The following CBLN2 variants were observed in gnomAD, a reference collection of about 807,000 sequenced individuals.
CBLN2 encodes cerebellin 2 precursor.
Under a neutral mutation model 15.0 loss-of-function variants are expected in CBLN2, and 7 were observed. The observed-to-expected ratio is 0.47, with a 90% confidence interval of 0.27 to 0.88. The LOEUF is 0.88. Among genes scored for constraint, CBLN2 ranks in the 40% least tolerant of loss-of-function variants. The pLI, the probability that CBLN2 is intolerant of heterozygous loss-of-function variation, is 0.14. For missense variants in CBLN2, 242 were observed against 304.5 expected, an observed-to-expected ratio of 0.79 and a Z score of 1.53; for synonymous variants, 149 against 135.2, an observed-to-expected ratio of 1.10 and a Z score of -0.71.
chr18:72,584,335 C>T (rs1184199291), intron 1 of CBLN2, among the ~76,000 whole-genome samples: 5 of 150,624 alleles, frequency 3.3e-5, no homozygotes, highest in African/African-American at 9.8e-5. Flanking sequence ...TCCCCTGAGA[C>T]GAAGTCTTGC....
chr18:72,550,822 A>G (rs973654331), intron 1 of CBLN2, among the ~76,000 whole-genome samples: 3 of 152,128 alleles, frequency 2.0e-5, no homozygotes, highest in African/African-American at 7.2e-5. Flanking sequence ...TGTTCTGCAC[A>G]GAATAGCTTT....
At chr18:72,538,916 C>T in intron 3 of CBLN2, 144 bp from the exon 4 acceptor site, 1 of 1,024,124 alleles carries the variant, frequency 9.8e-7, no homozygotes, top group Non-Finnish European at 1.4e-6. Flanking sequence ...CTGGCTTCCC[C>T]AGGAAGGAGG....
At chr18:72,582,989 G>T (rs1216959882) in intron 1 of CBLN2, among the ~76,000 whole-genome samples, 2 of 152,152 alleles carry the variant, frequency 1.3e-5, no homozygotes, top group Non-Finnish European at 2.9e-5. Context: ...CTCTGCTGAG[G>T]TTCACTCTGT....
intron 1 of CBLN2, among the ~76,000 whole-genome samples, chr18:72,612,992 C>T (rs189999540): frequency 2.0e-5 from 3 of 152,130 alleles, no homozygotes; most frequent in East Asian, 3.9e-4. Flanking sequence ...GGCCTTGCCC[C>T]GCAGATTCTG....
intron 1 of CBLN2, among the ~76,000 whole-genome samples, chr18:72,552,084 A>G (rs2069194932): frequency 6.7e-6 from 1 of 150,120 alleles, no homozygotes; most frequent in South Asian, 2.1e-4. Flanking sequence ...TAAAATGTCC[A>G]ACAGAGCAAG....
chr18:72,590,306 G>A (rs944818558), intron 1 of CBLN2, among the ~76,000 whole-genome samples: 2 of 151,928 alleles, frequency 1.3e-5, no homozygotes, highest in Admixed American at 6.6e-5. Flanking sequence ...AATTAGCCAG[G>A]CATGGTGGCA....
chr18:72,615,959 C>T (rs1411545967), intron 1 of CBLN2, among the ~76,000 whole-genome samples: 1 of 152,110 alleles, frequency 6.6e-6, no homozygotes, highest in African/African-American at 2.4e-5. Context: ...TATGAATTAA[C>T]CTTCAATTCT....
intron 1 of CBLN2, among the ~76,000 whole-genome samples, chr18:72,613,431 C>T (rs908328767): frequency 8.5e-5 from 13 of 152,252 alleles, no homozygotes; most frequent in African/African-American, 3.1e-4. Flanking sequence ...ACATAGCTAG[C>T]ATTTCACAAT....
chr18:72,595,038 C>T lies in CBLN2; in HGVS notation c.15+43287G>A, dbSNP rs1319023846. The stretch of plus-strand genomic sequence containing the variant: ...TTCAATTTAATTTCATTGATTTCTG[C>T]TCTGATCTTTATTATTTCTTTTCTT... On this transcript the variant is annotated intron_variant, in intron 1 of 2. Transcript: ENST00000581073. Among the ~76,000 whole-genome samples the T allele has an allele frequency of 3.3e-5, 5 of 150,126 alleles. 1 individual carries two copies. The South Asian group carries it at 8.4e-4, about 25-fold the overall frequency.
intron 1 of CBLN2, among the ~76,000 whole-genome samples, chr18:72,623,603 C>T (rs1287490680): frequency 6.6e-6 from 1 of 152,146 alleles, no homozygotes; most frequent in East Asian, 1.9e-4. Flanking sequence ...GTACAAACCT[C>T]AGAAACCTCA....
At chr18:72,553,458 TGATAGATAGATAGATAGATAGATA>T (rs5826203) in intron 1 of CBLN2, among the ~76,000 whole-genome samples, 1 of 148,808 alleles carries the variant, frequency 6.7e-6, no homozygotes, top group Non-Finnish European at 1.5e-5. Flanking sequence ...TAACAATTTG[TGATAGATAGATAGATAGATAGATA>T]GATAGATAGA....
At chr18:72,592,288 C>T (rs1208395295) in intron 1 of CBLN2, among the ~76,000 whole-genome samples, 1 of 151,794 alleles carries the variant, frequency 6.6e-6, no homozygotes, top group African/African-American at 2.4e-5. Context: ...TGTTTGCCAT[C>T]TGTATGTCTT....
chr18:72,630,123 T>C (rs1186661402), intron 1 of CBLN2, among the ~76,000 whole-genome samples: 1 of 152,184 alleles, frequency 6.6e-6, no homozygotes, highest in Non-Finnish European at 1.5e-5. Flanking sequence ...ACGCTTAAGA[T>C]TTTGTACCTA....
chr18:72,636,606 A>C (rs1170988954), intron 1 of CBLN2, among the ~76,000 whole-genome samples: 1 of 152,204 alleles, frequency 6.6e-6, no homozygotes, highest in Non-Finnish European at 1.5e-5. Context: ...CCCGTGGTAC[A>C]TGTAAAATTT....
intron 1 of CBLN2, among the ~76,000 whole-genome samples, chr18:72,586,636 C>T (rs978667447): frequency 4.6e-5 from 7 of 152,148 alleles, no homozygotes; most frequent in Admixed American, 2.0e-4. Flanking sequence ...TTTATTGATT[C>T]GTTCAGTACT....
intron 1 of CBLN2, chr18:72,631,010 CCTGT>C (rs1393597612): frequency 6.6e-6 from 1 of 152,080 alleles, no homozygotes; most frequent in Non-Finnish European, 1.5e-5. Context: ...AAAATTGTTA[CCTGT>C]CTAATAATAG....
At chr18:72,578,856 T>C (rs551948279) in intron 1 of CBLN2, among the ~76,000 whole-genome samples, 3 of 152,322 alleles carry the variant, frequency 2.0e-5, no homozygotes, top group South Asian at 4.1e-4. Flanking sequence ...GTAAAATCAA[T>C]ATTCATGATG....
intron 1 of CBLN2, among the ~76,000 whole-genome samples, chr18:72,588,188 C>T (rs1397480910): frequency 3.3e-5 from 5 of 152,150 alleles, no homozygotes; most frequent in Non-Finnish European, 7.4e-5. Flanking sequence ...TCTGTGATAA[C>T]AGTCTTTAGA....
intron 1 of CBLN2, among the ~76,000 whole-genome samples, chr18:72,610,816 G>A (rs1235738161): frequency 2.0e-5 from 3 of 152,174 alleles, no homozygotes; most frequent in Non-Finnish European, 4.4e-5. Flanking sequence ...TATATTGCAT[G>A]ATGATGAGGT....
Sources: gnomAD v4.1 joint callset for allele counts (sites outside exome capture counted in the v4.1 genomes callset) on GRCh38, gnomAD v4.1.1 for gene constraint, MANE v1.5 for transcripts, NCBI Gene and HGNC (gene_info 2026-07-23, HGNC 2026-07-21) for gene names.